Variants in PPFIA2 observed in about 807,000 individuals in gnomAD.
The protein encoded by PPFIA2 is liprin-alpha-2.
Under a neutral mutation model 175.5 loss-of-function variants are expected in PPFIA2, and 46 were observed. The ratio of observed to expected loss-of-function variants is 0.26; its 90% CI spans 0.21 to 0.34. The LOEUF (loss-of-function observed/expected upper bound fraction) is 0.34. Ranked by LOEUF, PPFIA2 falls within the 10% of genes least tolerant of loss-of-function variation. The probability of loss-of-function intolerance (pLI) is 1.00; values close to 1 mark genes in which losing one functional copy is unlikely to be tolerated. For synonymous variants in PPFIA2, 568 were observed against 511.4 expected (o/e 1.11, Z -1.49); for missense variants, 1,179 against 1,506.1 (o/e 0.78, Z 3.60).
chr12:81,654,328 T>A (rs2067464267), intron 4 of PPFIA2, among the ~76,000 whole-genome samples: 1 of 151,990 alleles, frequency 6.6e-6, no homozygotes, highest in Admixed American at 6.6e-5. Flanking sequence ...AAATGTAAAA[T>A]AAACAAAACA....
intron 3 of PPFIA2, among the ~76,000 whole-genome samples, chr12:81,738,178 C>A (rs143783665): frequency 1.7e-4 from 26 of 150,790 alleles, no homozygotes; most frequent in Admixed American, 1.2e-3. Context: ...GCCTTCTCAA[C>A]AGCAACAATG....
intron 4 of PPFIA2, among the ~76,000 whole-genome samples, chr12:81,640,740 T>G (rs1338282328): frequency 6.6e-6 from 1 of 152,130 alleles, no homozygotes; most frequent in Non-Finnish European, 1.5e-5. Context: ...CAAGAAAATA[T>G]AAATCCTAAA....
At chr12:81,706,909 A>G (rs11114986) in intron 3 of PPFIA2, among the ~76,000 whole-genome samples, 51,935 of 152,024 alleles carry the variant, frequency 0.34, 9,679 homozygotes, top group Middle Eastern at 0.5. Context: ...TGAGAAAAAC[A>G]AGCAATGGGG....
chr12:81,511,014 G>A (rs2061723853), intron 4 of PPFIA2, among the ~76,000 whole-genome samples: 1 of 152,036 alleles, frequency 6.6e-6, no homozygotes, highest in South Asian at 2.1e-4. Flanking sequence ...GGTAGATGTG[G>A]TGAAGTTACA....
At chr12:81,599,590 T>C (rs1175748953) in intron 4 of PPFIA2, among the ~76,000 whole-genome samples, 1 of 152,024 alleles carries the variant, frequency 6.6e-6, no homozygotes, top group Non-Finnish European at 1.5e-5. Context: ...TTCTAACTGT[T>C]ATCTTACATT....
chr12:81,300,307 T>C (rs946961447), intron 22 of PPFIA2, among the ~76,000 whole-genome samples: 2 of 152,180 alleles, frequency 1.3e-5, no homozygotes, highest in South Asian at 2.1e-4. Context: ...ACATAGATGA[T>C]AAAAACATGG....
intron 4 of PPFIA2, among the ~76,000 whole-genome samples, chr12:81,636,467 G>A (rs1215177303): frequency 6.7e-6 from 1 of 150,248 alleles, no homozygotes; most frequent in Non-Finnish European, 1.5e-5. Flanking sequence ...GGGTTTCACT[G>A]TGTTAGCCAG....
intron 4 of PPFIA2, among the ~76,000 whole-genome samples, chr12:81,560,319 G>A (rs1186824048): frequency 1.3e-5 from 2 of 151,816 alleles, no homozygotes; most frequent in African/African-American, 4.8e-5. Context: ...AACAGGCAAA[G>A]GAGAGAAAGA....
chr12:81,618,664 G>A (rs1408395554), intron 4 of PPFIA2, among the ~76,000 whole-genome samples: 1 of 151,682 alleles, frequency 6.6e-6, no homozygotes, highest in Admixed American at 6.6e-5. Flanking sequence ...AAGTGGCTGG[G>A]ACTACAGGCA....
At chr12:81,706,196 G>A (rs900559592) in intron 3 of PPFIA2, among the ~76,000 whole-genome samples, 45 of 152,074 alleles carry the variant, frequency 3.0e-4, no homozygotes, top group Admixed American at 6.6e-4. Context: ...TACGGAGTTT[G>A]CAAAATTCTT....
chr12:81,649,051 C>A (rs1275222664), intron 4 of PPFIA2, among the ~76,000 whole-genome samples: 1 of 151,030 alleles, frequency 6.6e-6, no homozygotes, highest in East Asian at 1.9e-4. Context: ...ATCTTTGTCA[C>A]CTTTATTTAG....
chr12:81,375,920 A>T lies in PPFIA2; in HGVS notation c.1007T>A (p.Met336Lys), dbSNP rs768496425. ...TTCAAGGGTTGTAATTCTTTCTTCCATATCTTCCTTTTGTGCCATGGCCTA... is the reference window on the plus strand; with the variant it reads ...TTCAAGGGTTGTAATTCTTTCTTCCTTATCTTCCTTTTGTGCCATGGCCTA... ...IREAMAQKED[M>K]EERITTLEKR... Residue 336 changes from methionine to lysine, a missense_variant, in exon 10 of 33, where the codon ATG becomes AAG. Met to Lys is a moderately conservative substitution (Grantham distance 95, BLOSUM62 -1). Transcript: ENST00000549396. 1 of 1,613,296 alleles carries T rather than the reference A, an allele frequency of 6.2e-7. No individual in the cohort carries two copies. The highest frequency in any genetic ancestry group is 8.5e-7 in the Non-Finnish European group (1 of 1,179,502).
chr12:81,289,791 G>A (rs968865232), intron 24 of PPFIA2, among the ~76,000 whole-genome samples: 3 of 151,802 alleles, frequency 2.0e-5, no homozygotes, highest in Admixed American at 2.0e-4. Flanking sequence ...TAACATTTCT[G>A]TAATTTTTAC....
chr12:81,337,418 A>G (rs1157629257), intron 21 of PPFIA2, among the ~76,000 whole-genome samples: 4 of 152,180 alleles, frequency 2.6e-5, no homozygotes, highest in East Asian at 3.8e-4. Flanking sequence ...TGATGAGAAT[A>G]TAATAGTAAT....
At chr12:81,266,465 T>C (rs1224261116) in intron 30 of PPFIA2, among the ~76,000 whole-genome samples, 5 of 152,182 alleles carry the variant, frequency 3.3e-5, no homozygotes, top group Admixed American at 3.3e-4. Context: ...GTTAAAATGT[T>C]ATTAATCTGT....
In PPFIA2 at chr12:81,457,854, G is replaced by T. The variant is rs1225397917; in HGVS notation, c.316C>A (p.Leu106Met). ...KGADPPEFAALTKELNACREQ... is the reference protein window; with the variant it reads ...KGADPPEFAAMTKELNACREQ... ...CTGCAGGCATTTAATTCTTTTGTCA[G>T]TGCAGCAAATTCCTGGAAAAGTAAT... The change falls in exon 5 of 33, where the codon CTG becomes ATG. Residue 106 changes from leucine to methionine, a missense_variant. Leu to Met is a conservative substitution (Grantham distance 15, BLOSUM62 2). This residue lies in a region of PPFIA2 where 128 missense variants were observed against 141.4 expected (regional missense o/e 0.91). Coordinates refer to ENST00000549396, the MANE Select transcript of PPFIA2 (RefSeq NM_003625.5). 17 of 1,590,426 alleles carry T rather than the reference G, an allele frequency of 1.1e-5. No homozygotes were observed. The highest frequency in any genetic ancestry group is 1.8e-5 in the Admixed American group (1 of 56,068).
intron 4 of PPFIA2, among the ~76,000 whole-genome samples, chr12:81,645,059 G>A (rs1475658505): frequency 1.3e-5 from 2 of 151,804 alleles, no homozygotes; most frequent in African/African-American, 4.8e-5. Flanking sequence ...ATATAACATA[G>A]AAATACTATA....
chr12:81,356,091 T>G (rs2060809100), intron 16 of PPFIA2, among the ~76,000 whole-genome samples: 1 of 152,212 alleles, frequency 6.6e-6, no homozygotes, highest in South Asian at 2.1e-4. Flanking sequence ...GTGAGAGATG[T>G]GCAACTCTTA....
intron 22 of PPFIA2, among the ~76,000 whole-genome samples, chr12:81,322,925 A>G (rs1430719998): frequency 6.6e-6 from 1 of 152,166 alleles, no homozygotes; most frequent in Non-Finnish European, 1.5e-5. Flanking sequence ...AAGAAAAAGT[A>G]GGATTAAAGT....
Sources: allele counts gnomAD v4.1 joint callset (sites outside exome capture counted in the v4.1 genomes callset), GRCh38; gene constraint gnomAD v4.1.1; regional missense constraint gnomAD v4.1.1; transcripts MANE v1.5; gene names NCBI Gene and HGNC (gene_info 2026-07-23, HGNC 2026-07-21).